Variants in TTC21B observed in about 807,000 individuals in gnomAD.
TTC21B encodes tetratricopeptide repeat domain 21B, also known as tetratricopeptide repeat protein 21B.
TTC21B carries 127 observed loss-of-function variants against 175.1 expected under a neutral mutation model. That is an observed-to-expected ratio of 0.73 (90% confidence interval 0.63 to 0.84). TTC21B has a LOEUF of 0.84. Among genes scored for constraint, TTC21B ranks in the 40% least tolerant of loss-of-function variants. The pLI, the probability that TTC21B is intolerant of heterozygous loss-of-function variation, is 0.00. For synonymous variants in TTC21B, 524 were observed against 524.5 expected, an observed-to-expected ratio of 1.00 and a Z score of 0.01; for missense variants, 1,561 against 1,558.3, an observed-to-expected ratio of 1.00 and a Z score of -0.03.
chr2:165,929,096 G>C (rs781062411), intron 11 of TTC21B, 39 bp downstream of exon 11: 4 of 1,584,266 alleles, frequency 2.5e-6, no homozygotes, highest in Non-Finnish European at 2.6e-6. Flanking sequence ...AAAACATCAA[G>C]TAAACGCATC....
At chr2:165,915,513 A>G (rs1686136149) in intron 14 of TTC21B, 74 bp from the exon 15 acceptor site, 1 of 1,109,814 alleles carries the variant, frequency 9.0e-7, no homozygotes, top group African/African-American at 1.5e-5. Flanking sequence ...AGATTTTCTC[A>G]TAACGCAGAA....
intron 25 of TTC21B, among the ~76,000 whole-genome samples, chr2:165,887,580 G>A (rs916257089): frequency 2.6e-5 from 4 of 151,962 alleles, no homozygotes; most frequent in African/African-American, 9.7e-5. Context: ...CCACATACTT[G>A]GGAGGCTGAG....
At position 165,912,536 on chromosome 2, in the gene TTC21B, A is replaced by G. The variant is rs140824612; in HGVS notation, c.2300T>C (p.Ile767Thr). The change falls in exon 17 of 29, where the codon ATC (isoleucine) becomes ACC (threonine). Residue 767 changes from isoleucine (I) to threonine (T), a missense_variant. Physicochemically the swap from Ile to Thr is moderately conservative, Grantham distance 89. Coordinates refer to ENST00000243344, the MANE Select transcript of TTC21B (RefSeq NM_024753.5). ...TACCATTGAGTAGTTATGAGTTTTGATAAGTGCTTTGCCCATTTTGCTTGC... is the reference window on the plus strand; with the variant it reads ...TACCATTGAGTAGTTATGAGTTTTGGTAAGTGCTTTGCCCATTTTGCTTGC... ...TLASKMGKAL[I>T]KTHNYSMAIT... The G allele has an allele frequency of 5.6e-5, 91 of 1,613,950 alleles. No homozygotes were observed. In the African/African-American group the frequency reaches 9.2e-4, roughly 16 times the overall value.
At chr2:165,922,343 A>G (rs1017146403) in intron 12 of TTC21B, among the ~76,000 whole-genome samples, 2 of 151,998 alleles carry the variant, frequency 1.3e-5, no homozygotes, top group African/African-American at 4.8e-5. Context: ...AGAAGTCCAT[A>G]ATTTCCACAA....
At chr2:165,927,801 A>G (rs193051131) in intron 11 of TTC21B, among the ~76,000 whole-genome samples, 127 of 152,290 alleles carry the variant, frequency 8.3e-4, no homozygotes, top group African/African-American at 2.9e-3. Context: ...CTAAAAAAGG[A>G]CATGATAATC....
rs1685489911 is a variant in TTC21B, at chr2:165,899,786, T to C, written c.2852A>G (p.Asn951Ser). The change falls in exon 21 of 29, where the codon AAC becomes AGC. Residue 951 changes from asparagine to serine, a missense_variant. Transcript: ENST00000243344. ...TGGACTGACCATGGTAGCAGCTTCG[T>C]TATCCTGGTCACTCTGAAGCAGTAG... ...CALLLQSDQD[N>S]EAATMMMADL... The C allele has an allele frequency of 6.2e-7, 1 of 1,612,330 alleles. No individual in the cohort carries two copies. Among genetic ancestry groups the C allele is most frequent in the Non-Finnish European group, 8.5e-7 (1 of 1,178,336 alleles).
At chr2:165,904,438 C>A (rs572055374) in intron 19 of TTC21B, among the ~76,000 whole-genome samples, 1 of 152,160 alleles carries the variant, frequency 6.6e-6, no homozygotes, top group Admixed American at 6.6e-5. Flanking sequence ...TGGGTATGCA[C>A]GCACATGCAT....
rs775736731 is a variant in TTC21B at position 165,907,692 on chromosome 2, T to C, written c.2554A>G (p.Thr852Ala). The C allele has an allele frequency of 6.2e-7, 1 of 1,610,994 alleles. No homozygotes were observed. Among genetic ancestry groups the C allele is most frequent in the African/African-American group, 1.3e-5 (1 of 74,994 alleles). Reference sequence around the variant, plus strand: ...AATGTGTTTACCTGTTGTAATGCAGTGATCGCATCACCAAGTTTTTCCATT... The same window carrying C: ...AATGTGTTTACCTGTTGTAATGCAGCGATCGCATCACCAAGTTTTTCCATT... ...SKMEKLGDAITALQQARELQA... is the reference protein window; with the variant it reads ...SKMEKLGDAIAALQQARELQA... Residue 852 changes from threonine to alanine, a missense_variant, in exon 19 of 29, where the codon ACT (threonine) becomes GCT (alanine). Thr to Ala is a moderately conservative substitution (Grantham distance 58). Transcript: ENST00000243344.
At chr2:165,949,368 C>G (rs1687688404) in intron 3 of TTC21B, 26 bp downstream of exon 3, 1 of 1,521,342 alleles carries the variant, frequency 6.6e-7, no homozygotes, top group Non-Finnish European at 9.1e-7. Context: ...AAAAAATGTC[C>G]TAAGCATTGC....
At chr2:165,911,260 T>A in intron 18 of TTC21B, 67 bp downstream of exon 18, 1 of 1,560,426 alleles carries the variant, frequency 6.4e-7, no homozygotes, top group Non-Finnish European at 8.8e-7. Flanking sequence ...AATACATATT[T>A]ATGCAATATA....
intron 6 of TTC21B, among the ~76,000 whole-genome samples, chr2:165,939,793 C>T (rs193253817): frequency 6.6e-6 from 1 of 152,232 alleles, no homozygotes; most frequent in African/African-American, 2.4e-5. Flanking sequence ...TCCATAATCA[C>T]CCTGTCCAGC....
Position 165,912,612 on chromosome 2 carries a change from T to G in TTC21B, c.2224A>C (p.Ile742Leu). 1.9e-6 allele frequency: 3 copies of G among 1,614,056 alleles called. No individual in the cohort carries two copies. The highest frequency in any genetic ancestry group is 2.5e-6 in the Non-Finnish European group (3 of 1,179,958). ...YMNILEPEEA[I>L]VAYEQALNQN... ...TTTAATGCTTGCTCATATGCTACTA[T>G]GGCTTCTTCAGGCTAATATTGCCAG... Residue 742 changes from isoleucine to leucine, a missense_variant, in exon 17 of 29, where the codon ATA (isoleucine) becomes CTA (leucine). Physicochemically the swap from Ile to Leu is conservative, Grantham distance 5. Coordinates refer to ENST00000243344, the MANE Select transcript of TTC21B (RefSeq NM_024753.5).
intron 13 of TTC21B, among the ~76,000 whole-genome samples, chr2:165,918,376 G>A (rs959050692): frequency 2.0e-5 from 3 of 152,080 alleles, no homozygotes; most frequent in Non-Finnish European, 4.4e-5. Context: ...CTCACTGCAA[G>A]CGCTGCCTCC....
rs781416133 is a variant in TTC21B at position 165,901,732 on chromosome 2, G to C, written c.2747C>G (p.Thr916Arg). The C allele has an allele frequency of 2.5e-6, 4 of 1,613,832 alleles. No homozygotes were observed. Among genetic ancestry groups the C allele is most frequent in the Middle Eastern group, 1.6e-4 (1 of 6,062 alleles). ...FYREALVHCE[T>R]DNKIMLELAR... Reference sequence around the variant, plus strand: ...TATAAAGGTACTGACCTTATTATCTGTTTCGCAGTGAACCAGAGCCTCTCT... The same window carrying C: ...TATAAAGGTACTGACCTTATTATCTCTTTCGCAGTGAACCAGAGCCTCTCT... The change falls in exon 20 of 29, where the codon ACA becomes AGA. Residue 916 changes from threonine to arginine, a missense_variant. By Grantham distance (71) the Thr-to-Arg change is moderately conservative. Coordinates refer to ENST00000243344, the MANE Select transcript of TTC21B (RefSeq NM_024753.5).
In TTC21B at chr2:165,916,841, T is replaced by C. The variant is rs571232678; in HGVS notation, c.1899+416A>G. Among the ~76,000 whole-genome samples, 3 of 152,262 alleles carry C rather than the reference T, an allele frequency of 2.0e-5. No individual in the cohort carries two copies. In the South Asian group the frequency reaches 6.2e-4, roughly 32 times the overall value. On this transcript the variant is annotated intron_variant, in intron 14 of 28. Coordinates refer to ENST00000243344, the MANE Select transcript of TTC21B (RefSeq NM_024753.5). ...CAAGGTAATGAAAATTAAATTTTTC[T>C]AAAGTTTACCACCTGGTCAAGGGAA...
chr2:165,893,350 T>C (rs1685257901), intron 22 of TTC21B, among the ~76,000 whole-genome samples: 1 of 152,168 alleles, frequency 6.6e-6, no homozygotes, highest in Non-Finnish European at 1.5e-5. Flanking sequence ...AACTAAAGGT[T>C]AAAATTTCGG....
chr2:165,907,768 A>C lies in TTC21B; in HGVS notation c.2478T>G (p.Ala826=). 3 of 1,611,262 alleles carry C rather than the reference A, an allele frequency of 1.9e-6. No individual in the cohort carries two copies. In the South Asian group the frequency reaches 3.3e-5, roughly 18 times the overall value. ...LAHEPVNELS[A]LMEDGRCQVL... ...CTTGACAACGTCCATCCTCCATGAG[A>C]GCTGACAGTTCATTTACTATGAAAG... is the stretch of plus-strand genomic sequence containing the variant. Residue 826 remains alanine, a synonymous_variant, in exon 19 of 29, where the codon GCT becomes GCG. Coordinates refer to ENST00000243344, the MANE Select transcript of TTC21B (RefSeq NM_024753.5).
chr2:165,911,321 T>C lies in TTC21B; in HGVS notation c.2461+6A>G, dbSNP rs1685923282. On this transcript the variant is annotated splice_donor_region_variant and intron_variant, in intron 18 of 28. Coordinates refer to ENST00000243344, the MANE Select transcript of TTC21B (RefSeq NM_024753.5). ...GACTTTTTTCAAACCAGAAAGACTT[T>C]CATACCAGGTTCATGAGCCAGAGCA... 6.2e-7 allele frequency: 1 copy of C among 1,613,688 alleles called. No individual in the cohort carries two copies. The highest frequency in any genetic ancestry group is 1.7e-5 in the Admixed American group (1 of 59,998).
At chr2:165,885,016 G>C (rs1255993675) in intron 25 of TTC21B, among the ~76,000 whole-genome samples, 1 of 152,146 alleles carries the variant, frequency 6.6e-6, no homozygotes, top group Non-Finnish European at 1.5e-5. Flanking sequence ...TGAGTGTGGT[G>C]GCCAGCCCCT....
Sources: gnomAD v4.1 joint callset for allele counts (sites outside exome capture counted in the v4.1 genomes callset) on GRCh38, gnomAD v4.1.1 for gene constraint, MANE v1.5 for transcripts, NCBI Gene and HGNC (gene_info 2026-07-23, HGNC 2026-07-21) for gene names.